ATP7A: variants seen among roughly 807,000 people sequenced by gnomAD.
The protein encoded by ATP7A is copper-transporting ATPase 1.
ATP7A carries 7 observed loss-of-function variants against 83.5 expected under a neutral mutation model. The observed-to-expected ratio is 0.08, with a 90% CI of 0.05 to 0.16. The LOEUF (loss-of-function observed/expected upper bound fraction) is 0.16. Ranked by LOEUF, ATP7A falls within the 10% of genes least tolerant of loss-of-function variation. The pLI is 1.00. For missense variants in ATP7A, 940 were observed against 1,120.8 expected (o/e 0.84, Z 2.30); for synonymous variants, 354 against 395.2 (o/e 0.90, Z 1.24).
intron 1 of ATP7A, among the ~76,000 whole-genome samples, chrX:77,929,994 A>C (rs1557224006): frequency 8.9e-6 from 1 of 112,241 alleles, no homozygotes; most frequent in Non-Finnish European, 1.9e-5. Flanking sequence ...GGAAAAGAAA[A>C]CAGGAGAGCT....
At chrX:78,027,478 C>T (rs1325746779) in intron 14 of ATP7A, among the ~76,000 whole-genome samples, 1 of 111,602 alleles carries the variant, frequency 9.0e-6, no homozygotes, top group African/African-American at 3.3e-5. Context: ...GAAAAACATT[C>T]CATGCCCATG....
intron 9 of ATP7A, 30 bp from the exon 10 acceptor site, chrX:78,012,849 A>G: frequency 8.8e-7 from 1 of 1,130,870 alleles, no homozygotes; most frequent in East Asian, 3.0e-5. Context: ...CATTTTTTAA[A>G]ATTCAATGAT....
chrX:78,033,584 C>T, intron 16 of ATP7A, 21 bp from the exon 17 acceptor site: 1 of 1,195,051 alleles, frequency 8.4e-7, no homozygotes, highest in Non-Finnish European at 1.1e-6. Flanking sequence ...TAGAGGAAAT[C>T]CTTTTGTTTC....
At chrX:77,997,956 C>A (rs895414218) in intron 4 of ATP7A, among the ~76,000 whole-genome samples, 81 of 109,806 alleles carry the variant, frequency 7.4e-4, no homozygotes, top group African/African-American at 2.6e-3. Context: ...TAACCCTATT[C>A]CCCAGAAGTA....
rs782316410 is a variant in ATP7A, at chrX:77,989,745, C to T, written c.1123C>T (p.Leu375=). 8.3e-7 allele frequency: 1 copy of T among 1,211,395 alleles called. No homozygotes were observed. Among genetic ancestry groups the T allele is most frequent in the Non-Finnish European group, 1.1e-6 (1 of 895,206 alleles). Residue 375 remains leucine, a synonymous_variant, in exon 4 of 23, where the codon CTG becomes TTG. Coordinates refer to ENST00000341514, the MANE Select transcript of ATP7A (RefSeq NM_000052.7). ...TCCTTTGAATGTAGTTAGCCAGCCT[C>T]TGACACAAGAAACTGTGATAAACAT... The part of the protein sequence containing the change: ...KIPLNVVSQP[L]TQETVINIDG...
At chrX:78,035,370 T>C (rs1208236949) in intron 17 of ATP7A, among the ~76,000 whole-genome samples, 1 of 112,086 alleles carries the variant, frequency 8.9e-6, no homozygotes, top group African/African-American at 3.2e-5. Flanking sequence ...GTCGTGTCAC[T>C]CTCTAACCAG....
chrX:77,975,749 C>G (rs1320696959), intron 2 of ATP7A: 2 of 111,220 alleles, frequency 1.8e-5, no homozygotes, highest in Non-Finnish European at 3.8e-5. Context: ...CCTCGGCCTC[C>G]CACAGTATTG....
chrX:77,976,125 T>C (rs922861033), intron 2 of ATP7A, among the ~76,000 whole-genome samples: 5 of 111,978 alleles, frequency 4.5e-5, no homozygotes, highest in African/African-American at 1.6e-4. Flanking sequence ...GGAGCAGATG[T>C]TAATATCATA....
At chrX:77,978,636 A>T (rs2077588748) in intron 2 of ATP7A, among the ~76,000 whole-genome samples, 1 of 111,432 alleles carries the variant, frequency 9.0e-6, no homozygotes, top group Non-Finnish European at 1.9e-5. Context: ...TAGAGAAAAG[A>T]CTGAACTATT....
chrX:77,969,171 C>T (rs372073117), intron 1 of ATP7A: 24 of 1,211,502 alleles, frequency 2.0e-5, no homozygotes, highest in Middle Eastern at 2.3e-4. Flanking sequence ...TAGTATCCTT[C>T]GGACTCTCAT....
intron 4 of ATP7A, among the ~76,000 whole-genome samples, chrX:77,991,827 GC>G: frequency 3.6e-5 from 4 of 109,627 alleles, no homozygotes; most frequent in Non-Finnish European, 3.8e-5. Context: ...TTCGAGACCA[GC>G]CTTGGTAACA....
chrX:77,936,910 C>A (rs782145793), intron 1 of ATP7A, among the ~76,000 whole-genome samples: 54 of 112,391 alleles, frequency 4.8e-4, no homozygotes, highest in African/African-American at 1.5e-3. Flanking sequence ...GCTGGGACTA[C>A]AAGTATGTGC....
intron 1 of ATP7A, chrX:77,964,570 T>A (rs1354077002): frequency 6.4e-5 from 7 of 110,155 alleles, no homozygotes; most frequent in Non-Finnish European, 1.3e-4. Flanking sequence ...CCTCGCCTAA[T>A]CCCCACCCCC....
chrX:77,929,850 G>A (rs1427492766), intron 1 of ATP7A, among the ~76,000 whole-genome samples: 8 of 110,760 alleles, frequency 7.2e-5, no homozygotes, highest in East Asian at 2.8e-4. Context: ...AAAAATCTGC[G>A]TCTGAAAGAA....
At chrX:77,969,252 G>A (rs1557229243) in intron 1 of ATP7A, 1 of 1,212,002 alleles carries the variant, frequency 8.3e-7, no homozygotes, top group Non-Finnish European at 1.1e-6. Context: ...AGAAAGGATG[G>A]TCGGGCTCCA....
chrX:77,927,571 A>G (rs1163287786), intron 1 of ATP7A, among the ~76,000 whole-genome samples: 3 of 111,804 alleles, frequency 2.7e-5, no homozygotes, highest in Non-Finnish European at 5.6e-5. Context: ...ATCTTAGTAC[A>G]GTTGTCTGTA....
At chrX:77,920,807 A>C (rs2077209806) in intron 1 of ATP7A, among the ~76,000 whole-genome samples, 1 of 110,958 alleles carries the variant, frequency 9.0e-6, no homozygotes, top group African/African-American at 3.3e-5. Context: ...AGGACAATTT[A>C]TTTTCTTTTG....
intron 16 of ATP7A, among the ~76,000 whole-genome samples, chrX:78,032,167 T>A (rs1192997259): frequency 8.9e-6 from 1 of 112,364 alleles, no homozygotes; most frequent in Non-Finnish European, 1.9e-5. Context: ...CTTGCTTTTT[T>A]ATTTTATTAA....
intron 17 of ATP7A, among the ~76,000 whole-genome samples, chrX:78,037,908 C>G (rs781882011): frequency 1.0e-5 from 1 of 99,233 alleles, no homozygotes; most frequent in African/African-American, 3.8e-5. Context: ...AATAGAGATA[C>G]TTTTGGAAAG....
Sources: gnomAD v4.1 joint callset for allele counts (sites outside exome capture counted in the v4.1 genomes callset) on GRCh38, gnomAD v4.1.1 for gene constraint, MANE v1.5 for transcripts, NCBI Gene and HGNC (gene_info 2026-07-23, HGNC 2026-07-21) for gene names.